The following EMCN variants were observed in gnomAD, a reference collection of about 807,000 sequenced individuals.
The protein encoded by EMCN is MUC-14.
Under a neutral mutation model 38.4 loss-of-function variants are expected in EMCN, and 37 were observed. The ratio of observed to expected loss-of-function variants is 0.96; its 90% CI spans 0.74 to 1.27. The LOEUF is 1.27. Among genes scored for constraint, EMCN ranks in the 50% most tolerant of loss-of-function variants. The pLI, the probability that EMCN is intolerant of heterozygous loss-of-function variation, is 0.00. For missense variants in EMCN, 318 were observed against 302.8 expected (o/e 1.05, Z -0.37); for synonymous variants, 95 against 100.8 (o/e 0.94, Z 0.35).
intron 4 of EMCN, among the ~76,000 whole-genome samples, chr4:100,451,884 A>G (rs1429833481): frequency 3.3e-5 from 5 of 151,974 alleles, no homozygotes; most frequent in Non-Finnish European, 4.4e-5. Context: ...ATCTCCCTTA[A>G]TCTTCACAAA....
chr4:100,421,007 A>G (rs1173476737), intron 8 of EMCN, among the ~76,000 whole-genome samples: 1 of 151,828 alleles, frequency 6.6e-6, no homozygotes, highest in African/African-American at 2.4e-5. Flanking sequence ...CCTCTTTACT[A>G]TCATATTCCC....
At chr4:100,408,549 T>G (rs1726458738) in intron 11 of EMCN, among the ~76,000 whole-genome samples, 1 of 152,190 alleles carries the variant, frequency 6.6e-6, no homozygotes, top group African/African-American at 2.4e-5. Flanking sequence ...TTAAACATAA[T>G]GACTGGTAGA....
chr4:100,455,601 A>T (rs947314036), intron 4 of EMCN, among the ~76,000 whole-genome samples: 1 of 144,382 alleles, frequency 6.9e-6, no homozygotes, highest in African/African-American at 2.6e-5. Context: ...AATTTTTATC[A>T]TTGTTCTTCT....
chr4:100,409,900 A>G (rs1370448458), intron 11 of EMCN, among the ~76,000 whole-genome samples: 1 of 152,218 alleles, frequency 6.6e-6, no homozygotes, highest in Non-Finnish European at 1.5e-5. Flanking sequence ...ATAAACTGCA[A>G]ATTTGCAAGC....
chr4:100,453,488 G>C (rs1416963383), intron 4 of EMCN, among the ~76,000 whole-genome samples: 2 of 152,208 alleles, frequency 1.3e-5, no homozygotes, highest in African/African-American at 4.8e-5. Context: ...TCTCACACCT[G>C]TTAGAATGGC....
chr4:100,496,940 C>G (rs1332445971), intron 1 of EMCN, among the ~76,000 whole-genome samples: 12 of 152,074 alleles, frequency 7.9e-5, no homozygotes, highest in Non-Finnish European at 2.9e-5. Context: ...ATGATAGCTT[C>G]TCCATATGAC....
rs147651261 is a variant in EMCN, at chr4:100,491,721, C to G, written c.65-11682G>C. Among the ~76,000 whole-genome samples the G allele has an allele frequency of 1.1e-3, 161 of 152,286 alleles. 1 individual carries two copies. The highest frequency in any genetic ancestry group is 7.7e-3 in the South Asian group (37 of 4,822). On this transcript the variant is annotated intron_variant, in intron 1 of 11. Coordinates refer to ENST00000296420, the MANE Select transcript of EMCN (RefSeq NM_016242.4). ...TTGCAGTGCCTATCCAGCAGCTTAG[C>G]CTGATAACAGAGGTCAGTCAGTGGT...
At chr4:100,418,610 T>C (rs1726803222) in intron 8 of EMCN, among the ~76,000 whole-genome samples, 1 of 152,146 alleles carries the variant, frequency 6.6e-6, no homozygotes, top group Non-Finnish European at 1.5e-5. Context: ...TTGTTTTGAT[T>C]TTTTAGCTTC....
chr4:100,492,741 T>C (rs1729116474), intron 1 of EMCN, among the ~76,000 whole-genome samples: 1 of 152,166 alleles, frequency 6.6e-6, no homozygotes. Context: ...TTAATATATA[T>C]ATCCAATGTC....
At chr4:100,462,862 T>C (rs935523060) in intron 4 of EMCN, among the ~76,000 whole-genome samples, 2 of 152,102 alleles carry the variant, frequency 1.3e-5, no homozygotes, top group African/African-American at 2.4e-5. Context: ...CTTGAGATGA[T>C]TACAATAAAA....
Position 100,416,113 on chromosome 4 carries a change from C to CATATAT in EMCN, c.690-160_690-155dup, listed in dbSNP as rs35553330. On this transcript the variant is annotated intron_variant, in intron 9 of 11. Coordinates refer to ENST00000296420, the MANE Select transcript of EMCN (RefSeq NM_016242.4). ...ATACGTGTGTGTGTGTGTATACATA[C>CATATAT]ATATATATATATATATATCTCCATG... 3.2e-3 allele frequency among the ~76,000 whole-genome samples: 473 copies of CATATAT among 147,808 alleles called. 2 individuals are homozygous for CATATAT. Among genetic ancestry groups the CATATAT allele is most frequent in the African/African-American group, 0.011 (455 of 40,258 alleles).
At chr4:100,485,858 A>G (rs1040572368) in intron 1 of EMCN, among the ~76,000 whole-genome samples, 1 of 152,130 alleles carries the variant, frequency 6.6e-6, no homozygotes, top group Non-Finnish European at 1.5e-5. Flanking sequence ...TGATGATGCA[A>G]CCTGGATAAT....
At chr4:100,424,980 C>T (rs926274695) in intron 5 of EMCN, among the ~76,000 whole-genome samples, 1 of 152,032 alleles carries the variant, frequency 6.6e-6, no homozygotes, top group Non-Finnish European at 1.5e-5. Flanking sequence ...CTGCTTAAAA[C>T]GTGTTGATTG....
intron 11 of EMCN, among the ~76,000 whole-genome samples, chr4:100,403,119 G>T (rs1447375341): frequency 6.6e-6 from 1 of 152,050 alleles, no homozygotes; most frequent in Admixed American, 6.6e-5. Flanking sequence ...ACATCTGGAG[G>T]TTGGTTACAT....
At chr4:100,475,693 T>C (rs1728625828) in intron 2 of EMCN, among the ~76,000 whole-genome samples, 1 of 75,546 alleles carries the variant, frequency 1.3e-5, no homozygotes, top group East Asian at 4.4e-4. Context: ...TTTTTTTTTT[T>C]TGGAGACAGA....
chr4:100,436,632 C>T (rs1485235303), intron 5 of EMCN, among the ~76,000 whole-genome samples: 1 of 152,142 alleles, frequency 6.6e-6, no homozygotes, highest in African/African-American at 2.4e-5. Flanking sequence ...CAGTGATAGA[C>T]TGGATAAACA....
At chr4:100,466,203 G>A (rs946323588) in intron 3 of EMCN, among the ~76,000 whole-genome samples, 2 of 150,926 alleles carry the variant, frequency 1.3e-5, no homozygotes, top group African/African-American at 2.4e-5. Flanking sequence ...AAAAAAAATC[G>A]ATGCCCTTCA....
chr4:100,422,894 G>A lies in EMCN; in HGVS notation c.568+127C>T, dbSNP rs914196409. 13 of 782,176 alleles carry A rather than the reference G, an allele frequency of 1.7e-5. No individual in the cohort carries two copies. In the Admixed American group the frequency reaches 2.9e-4, roughly 17 times the overall value. 48.5% of individuals were successfully genotyped at this position (782,176 alleles called of 1,614,324 possible). On this transcript the variant is annotated intron_variant, in intron 7 of 11. Coordinates refer to ENST00000296420, the MANE Select transcript of EMCN (RefSeq NM_016242.4). ...GAGCAGGCAGCAGTTAGATGGGATT[G>A]TAATGGGATTGCAGGCTCAGTAAAG...
intron 1 of EMCN, among the ~76,000 whole-genome samples, chr4:100,509,523 G>A (rs775804241): frequency 1.3e-5 from 2 of 152,180 alleles, no homozygotes; most frequent in East Asian, 3.9e-4. Flanking sequence ...TAATGTAGGA[G>A]TGGCCTTTGT....
Sources: allele counts gnomAD v4.1 joint callset (sites outside exome capture counted in the v4.1 genomes callset), GRCh38; gene constraint gnomAD v4.1.1; transcripts MANE v1.5; gene names NCBI Gene and HGNC (gene_info 2026-07-23, HGNC 2026-07-21).